Variants in NCKAP1L observed in about 807,000 individuals in gnomAD.
The protein encoded by NCKAP1L is nck-associated protein 1-like.
In NCKAP1L, 53 loss-of-function variants were observed where a neutral mutation model predicts 139.2. The observed-to-expected ratio is 0.38, with a 90% confidence interval of 0.31 to 0.48. The LOEUF (loss-of-function observed/expected upper bound fraction) is 0.48, where lower values mean the gene tolerates loss of function less well. Ranked by LOEUF, NCKAP1L falls within the 20% of genes least tolerant of loss-of-function variation. The pLI is 0.98. For synonymous variants in NCKAP1L, 468 were observed against 499.7 expected, an observed-to-expected ratio of 0.94 and a Z score of 0.85; for missense variants, 1,151 against 1,381.9, an observed-to-expected ratio of 0.83 and a Z score of 2.65.
At chr12:54,517,766 C>G in intron 12 of NCKAP1L, 40 bp from the exon 13 acceptor site, 1 of 1,611,658 alleles carries the variant, frequency 6.2e-7, no homozygotes, top group Non-Finnish European at 8.5e-7. Context: ...GTTCATATTT[C>G]TAGTCTTATT....
chr12:54,529,640 T>A (rs539053349), intron 22 of NCKAP1L, among the ~76,000 whole-genome samples: 2 of 152,272 alleles, frequency 1.3e-5, no homozygotes, highest in Admixed American at 1.3e-4. Flanking sequence ...GTTTCAGATG[T>A]CCCCTTCTCA....
intron 26 of NCKAP1L, among the ~76,000 whole-genome samples, chr12:54,534,031 T>C (rs897550582): frequency 1.3e-5 from 2 of 152,226 alleles, no homozygotes; most frequent in African/African-American, 4.8e-5. Context: ...GTAAGTACAA[T>C]GAGACATTCA....
At chr12:54,519,742 T>C (rs1956966876) in intron 16 of NCKAP1L, among the ~76,000 whole-genome samples, 1 of 152,208 alleles carries the variant, frequency 6.6e-6, no homozygotes, top group South Asian at 2.1e-4. Flanking sequence ...GAATTTGAAG[T>C]TGATTCCTTT....
At chr12:54,536,918 C>T (rs752248891) in intron 28 of NCKAP1L, 26 bp from the exon 29 acceptor site, 9 of 1,497,102 alleles carry the variant, frequency 6.0e-6, no homozygotes, top group East Asian at 2.3e-5. Flanking sequence ...TCTTTTTTCT[C>T]TCCATCTATA....
At chr12:54,520,216 A>G (rs768811822) in intron 16 of NCKAP1L, among the ~76,000 whole-genome samples, 10 of 152,212 alleles carry the variant, frequency 6.6e-5, no homozygotes, top group Non-Finnish European at 1.3e-4. Flanking sequence ...TTGCAAATGT[A>G]AGAAAGTGTA....
intron 17 of NCKAP1L, 145 bp from the exon 18 acceptor site, chr12:54,520,974 C>A: frequency 1.3e-6 from 2 of 1,484,794 alleles, no homozygotes; most frequent in East Asian, 2.3e-5. Context: ...CTTGATGTAT[C>A]CTGTCTCTGG....
rs774225765 is a variant in NCKAP1L, at chr12:54,508,371, T to C, written c.364-18T>C. On this transcript the variant is annotated intron_variant, in intron 4 of 30. Coordinates refer to ENST00000293373, the MANE Select transcript of NCKAP1L (RefSeq NM_005337.5). ...ATTGGCCATGCTGTCCTTGGGTTCC[T>C]ATGTATTTTCCTTGTAGAATCTCAA... is the stretch of plus-strand genomic sequence containing the variant. 16 of 1,613,920 alleles carry C rather than the reference T, an allele frequency of 9.9e-6. No individual in the cohort carries two copies. Among genetic ancestry groups the C allele is most frequent in the Non-Finnish European group, 1.4e-5 (16 of 1,179,794 alleles).
intron 4 of NCKAP1L, among the ~76,000 whole-genome samples, chr12:54,508,160 C>G (rs1264630166): frequency 6.6e-6 from 1 of 152,208 alleles, no homozygotes; most frequent in Non-Finnish European, 1.5e-5. Context: ...TTCACCTTTT[C>G]CATCTCCTAA....
At chr12:54,527,026 T>C (rs1957032355) in intron 21 of NCKAP1L, among the ~76,000 whole-genome samples, 1 of 152,218 alleles carries the variant, frequency 6.6e-6, no homozygotes, top group African/African-American at 2.4e-5. Flanking sequence ...CCTTTCTTTT[T>C]TGGATTCTTA....
chr12:54,524,294 T>C (rs1957009799), intron 20 of NCKAP1L, among the ~76,000 whole-genome samples: 1 of 152,224 alleles, frequency 6.6e-6, no homozygotes, highest in Admixed American at 6.5e-5. Flanking sequence ...GTCCAACTTA[T>C]TTGAACCAGT....
rs1957184983 is a variant in NCKAP1L, at chr12:54,544,581, C to G, written c.*1896C>G. On this transcript the variant is annotated 3_prime_UTR_variant, in exon 31 of 31. Coordinates refer to ENST00000293373, the MANE Select transcript of NCKAP1L (RefSeq NM_005337.5). The stretch of plus-strand genomic sequence containing the variant: ...ACTGACATTGATATAATCTACTGAT[C>G]TTGTTCAGATTTCCTTCCCCAGTTT... 6.6e-6 allele frequency: 1 copy of G among 152,170 alleles called. No individual in the cohort carries two copies. Among genetic ancestry groups the G allele is most frequent in the African/African-American group, 2.4e-5 (1 of 41,420 alleles). The allele number at this position is 152,170 out of a possible 1,614,324, so 9.4% of individuals were successfully genotyped here.
At chr12:54,500,249 G>T (rs762733783) in intron 2 of NCKAP1L, among the ~76,000 whole-genome samples, 1 of 151,658 alleles carries the variant, frequency 6.6e-6, no homozygotes, top group Admixed American at 6.6e-5. Context: ...TCAGCCTCTC[G>T]AGTAGCTGGC....
rs1278794302 is a variant in NCKAP1L, at chr12:54,542,761, C to T, written c.*76C>T. 23 of 689,840 alleles carry T rather than the reference C, an allele frequency of 3.3e-5. No homozygotes were observed. The highest frequency in any genetic ancestry group is 2.0e-4 in the African/African-American group (11 of 55,168). The allele number at this position is 689,840 out of a possible 1,614,324, so 42.7% of individuals were successfully genotyped here. On this transcript the variant is annotated 3_prime_UTR_variant, in exon 31 of 31. Coordinates refer to ENST00000293373, the MANE Select transcript of NCKAP1L (RefSeq NM_005337.5). ...CCATAGTGGAAGCTGTGGTCACTTT[C>T]GCAGGGGGTGGGAATGGGGTGGGGT...
Position 54,520,746 on chromosome 12 carries a change from G to A in NCKAP1L, c.1678G>A (p.Ala560Thr), listed in dbSNP as rs763224066. The A allele has an allele frequency of 3.1e-6, 5 of 1,614,010 alleles. No individual in the cohort carries two copies. The highest frequency in any genetic ancestry group is 2.2e-5 in the South Asian group (2 of 91,072). ...GTTTGCCATGACCTTGGAGGAATCT[G>A]CCATGTTGCGTTATGCCATTGCTTT... ...KMFAMTLEES[A>T]MLRYAIAFPL... Residue 560 changes from alanine (A) to threonine (T), a missense_variant, in exon 17 of 31, where the codon GCC becomes ACC. Ala to Thr is a moderately conservative substitution (Grantham distance 58). Coordinates refer to ENST00000293373, the MANE Select transcript of NCKAP1L (RefSeq NM_005337.5).
At chr12:54,530,605 T>C (rs1188793310) in intron 22 of NCKAP1L, among the ~76,000 whole-genome samples, 1 of 152,224 alleles carries the variant, frequency 6.6e-6, no homozygotes, top group African/African-American at 2.4e-5. Context: ...GAAATAGTTG[T>C]ATCTGCTGGG....
intron 22 of NCKAP1L, among the ~76,000 whole-genome samples, chr12:54,529,441 C>T (rs1456475488): frequency 6.6e-6 from 1 of 152,192 alleles, no homozygotes; most frequent in Non-Finnish European, 1.5e-5. Context: ...CTCTCACCTC[C>T]ATATAAATCA....
intron 15 of NCKAP1L, 51 bp from the exon 16 acceptor site, chr12:54,519,136 C>T (rs1196746120): frequency 2.6e-6 from 4 of 1,555,964 alleles, no homozygotes; most frequent in Non-Finnish European, 3.5e-6. Context: ...AGGCTGGGGG[C>T]CTTTTTCATT....
Position 54,517,659 on chromosome 12 carries a change from G to A in NCKAP1L, c.1205+17G>A, listed in dbSNP as rs150417774. The A allele has an allele frequency of 5.0e-6, 8 of 1,597,840 alleles. No homozygotes were observed. Among genetic ancestry groups the A allele is most frequent in the Non-Finnish European group, 6.9e-6 (8 of 1,165,358 alleles). ...TGCTGACTCGTTAGTACTTGACATG[G>A]CTAAGAACCTTGTCCTTAGATGGAC... On this transcript the variant is annotated intron_variant, in intron 12 of 30. Transcript: ENST00000293373.
chr12:54,539,243 C>T (rs768229835), intron 30 of NCKAP1L, among the ~76,000 whole-genome samples: 2 of 152,228 alleles, frequency 1.3e-5, no homozygotes, highest in Non-Finnish European at 2.9e-5. Flanking sequence ...GCAATGTTCC[C>T]GAGTCTGATC....
Sources: allele counts gnomAD v4.1 joint callset (sites outside exome capture counted in the v4.1 genomes callset), GRCh38; gene constraint gnomAD v4.1.1; transcripts MANE v1.5; gene names NCBI Gene and HGNC (gene_info 2026-07-23, HGNC 2026-07-21).